Variants in LSM12 observed in about 807,000 individuals in gnomAD.
LSM12 encodes the protein protein LSM12.
For synonymous variants in LSM12, 74 were observed against 87.3 expected (o/e 0.85, Z 0.85); for missense variants, 108 against 238.9 (o/e 0.45, Z 3.61).
chr17:44,057,745 G>A (rs1369657401), intron 2 of LSM12, among the ~76,000 whole-genome samples: 4 of 150,726 alleles, frequency 2.7e-5, no homozygotes, highest in Non-Finnish European at 5.9e-5. Context: ...GGAGACAGAC[G>A]GAGACTCTGT....
chr17:44,056,145 T>C (rs1330148930), intron 2 of LSM12, among the ~76,000 whole-genome samples: 10 of 151,666 alleles, frequency 6.6e-5, no homozygotes, highest in Non-Finnish European at 1.5e-4. Flanking sequence ...TGCTGGTGCA[T>C]GCCTGTAATC....
At chr17:44,058,628 C>A (rs778118900) in intron 2 of LSM12, among the ~76,000 whole-genome samples, 2 of 152,122 alleles carry the variant, frequency 1.3e-5, no homozygotes, top group East Asian at 1.9e-4. Flanking sequence ...GTCAGGAGTT[C>A]GAGATCAGCC....
intron 2 of LSM12, among the ~76,000 whole-genome samples, chr17:44,053,604 C>A (rs777070860): frequency 6.6e-6 from 1 of 152,142 alleles, no homozygotes; most frequent in Non-Finnish European, 1.5e-5. Context: ...AAAGGAGAAA[C>A]AATGACTATC....
At chr17:44,053,017 T>A (rs963300140) in intron 2 of LSM12, among the ~76,000 whole-genome samples, 7 of 152,246 alleles carry the variant, frequency 4.6e-5, no homozygotes, top group Middle Eastern at 3.4e-3. Flanking sequence ...CAGAAAAGCA[T>A]CAAGTTCTAA....
chr17:44,050,936 C>T (rs921744798), intron 2 of LSM12, among the ~76,000 whole-genome samples: 1 of 152,140 alleles, frequency 6.6e-6, no homozygotes, highest in Admixed American at 6.5e-5. Flanking sequence ...GGTTTGAGAC[C>T]AGCCTGGGCA....
chr17:44,038,074 C>T (rs890256922), intron 3 of LSM12, among the ~76,000 whole-genome samples: 1 of 152,094 alleles, frequency 6.6e-6, no homozygotes, highest in Non-Finnish European at 1.5e-5. Flanking sequence ...ACAGGTCGGG[C>T]GCGGTGGCTC....
chr17:44,067,396 G>A (rs962199027), upstream of LSM12: 1 of 152,264 alleles, frequency 6.6e-6, no homozygotes, highest in African/African-American at 2.4e-5. Flanking sequence ...ACCAGAATCC[G>A]AGGTCAGCCT....
chr17:44,041,357 TC>T (rs1220353243), intron 2 of LSM12, among the ~76,000 whole-genome samples: 1 of 117,490 alleles, frequency 8.5e-6, no homozygotes, highest in Non-Finnish European at 1.9e-5. Context: ...ACACAGAATT[TC>T]CATTCAAGGC....
At chr17:44,060,632 AGAGT>A (rs1455636530) in intron 2 of LSM12, among the ~76,000 whole-genome samples, 1 of 152,222 alleles carries the variant, frequency 6.6e-6, no homozygotes, top group Non-Finnish European at 1.5e-5. Context: ...AGCAGGCCAC[AGAGT>A]AAGAAAAGTA....
chr17:44,039,413 C>T (rs1254506457), intron 3 of LSM12, among the ~76,000 whole-genome samples: 10 of 111,476 alleles, frequency 9.0e-5, no homozygotes, highest in Non-Finnish European at 1.7e-4. Context: ...CTCGCTCTGT[C>T]GCCCAGGCCG....
At chr17:44,061,560 G>C (rs1280784067) in intron 2 of LSM12, among the ~76,000 whole-genome samples, 2 of 152,134 alleles carry the variant, frequency 1.3e-5, no homozygotes, top group Non-Finnish European at 2.9e-5. Flanking sequence ...CATTTCCCTA[G>C]AATCTGACAA....
At position 44,035,687 on chromosome 17, in the gene LSM12, A is replaced by AG. The variant is rs1242186035; in HGVS notation, c.*520_*521insC. ...AAGCCATGCCCTGTGCAAAAAAAAA[A>AG]AAAAAAAGAAAAAAGAAAAAAAAAG... On this transcript the variant is annotated 3_prime_UTR_variant, in exon 5 of 5. Coordinates refer to ENST00000293406, the MANE Select transcript of LSM12 (RefSeq NM_001371445.1). 1 of 142,428 alleles carries AG rather than the reference A, an allele frequency of 7.0e-6. No homozygotes were observed. The highest frequency in any genetic ancestry group is 1.5e-5 in the Non-Finnish European group (1 of 65,870). The allele number at this position is 142,428 out of a possible 1,614,324, so 8.8% of individuals were successfully genotyped here. A position where few individuals can be genotyped will look rare whatever the true frequency, so the allele number is the denominator to read the frequency against.
rs547310956 is a variant in LSM12 at position 44,034,966 on chromosome 17, G to A, written c.*1242C>T. 7.4e-3 allele frequency: 194 copies of A among 26,216 alleles called. 5 individuals are homozygous for A. The highest frequency in any genetic ancestry group is 0.03 in the African/African-American group (177 of 5,862). 1.6% of individuals were successfully genotyped at this position (26,216 alleles called of 1,614,324 possible). ...GGTTAGTCAACCAGACAAACTGGTG[G>A]GCTAAAGTCCAGAAATTCTTTCCAG... is the stretch of plus-strand genomic sequence containing the variant. On this transcript the variant is annotated 3_prime_UTR_variant, in exon 5 of 5. Coordinates refer to ENST00000293406, the MANE Select transcript of LSM12 (RefSeq NM_001371445.1).
chr17:44,062,770 C>A (rs1016992008), intron 2 of LSM12, among the ~76,000 whole-genome samples: 159 of 152,026 alleles, frequency 1.0e-3, no homozygotes, highest in African/African-American at 3.7e-3. Context: ...CACCTATAAT[C>A]TTACCACTTT....
At chr17:44,055,507 C>CAAA (rs893366294) in intron 2 of LSM12, among the ~76,000 whole-genome samples, 10 of 65,000 alleles carry the variant, frequency 1.5e-4, no homozygotes, top group African/African-American at 4.4e-4. Context: ...ACCAAAAATA[C>CAAA]AAAAAAAAAA....
intron 2 of LSM12, among the ~76,000 whole-genome samples, chr17:44,046,415 CA>C (rs1392082132): frequency 6.6e-6 from 1 of 151,438 alleles, no homozygotes; most frequent in Non-Finnish European, 1.5e-5. Flanking sequence ...TCCTTAAAAA[CA>C]AAACAAAATG....
At position 44,037,558 on chromosome 17, in the gene LSM12, G is replaced by A. The variant is rs1228134376; in HGVS notation, c.369-20C>T. 6.3e-7 allele frequency: 1 copy of A among 1,596,670 alleles called. No individual in the cohort carries two copies. The highest frequency in any genetic ancestry group is 8.5e-7 in the Non-Finnish European group (1 of 1,172,334). On this transcript the variant is annotated intron_variant, in intron 3 of 4. Coordinates refer to ENST00000293406, the MANE Select transcript of LSM12 (RefSeq NM_001371445.1). ...TTAATGCTGGAAGGAGAAGACAGCA[G>A]GCGAAATGTAACCTCTTGGGGGCAT...
chr17:44,038,944 A>G (rs2049451099), intron 3 of LSM12, among the ~76,000 whole-genome samples: 1 of 149,672 alleles, frequency 6.7e-6, no homozygotes, highest in Non-Finnish European at 1.5e-5. Context: ...GGTTAAACAG[A>G]GTAACAGATG....
intron 2 of LSM12, among the ~76,000 whole-genome samples, chr17:44,053,326 G>C (rs2049670778): frequency 1.3e-5 from 2 of 152,152 alleles, no homozygotes; most frequent in African/African-American, 2.4e-5. Flanking sequence ...ATGTGACCAA[G>C]ACCATATGGC....
Sources: gnomAD v4.1 joint callset for allele counts (sites outside exome capture counted in the v4.1 genomes callset) on GRCh38, gnomAD v4.1.1 for gene constraint, MANE v1.5 for transcripts, NCBI Gene and HGNC (gene_info 2026-07-23, HGNC 2026-07-21) for gene names.